Variants in BTRC observed in about 807,000 individuals in gnomAD.
BTRC encodes the protein beta-transducin repeat containing E3 ubiquitin protein ligase, also known as F-box/WD repeat-containing protein 1A.
In BTRC, 42 loss-of-function variants were observed where a neutral mutation model predicts 85.5. That is an observed-to-expected ratio of 0.49 (90% CI 0.38 to 0.64). The LOEUF (loss-of-function observed/expected upper bound fraction) is 0.64, where lower values mean the gene tolerates loss of function less well. Ranked by LOEUF, BTRC falls within the 30% of genes least tolerant of loss-of-function variation. The pLI is 0.00. For synonymous variants in BTRC, 255 were observed against 263.3 expected (o/e 0.97, Z 0.30); for missense variants, 594 against 743.5 (o/e 0.80, Z 2.34).
At chr10:101,504,177 G>A (rs1454796899) in intron 4 of BTRC, among the ~76,000 whole-genome samples, 1 of 152,128 alleles carries the variant, frequency 6.6e-6, no homozygotes, top group African/African-American at 2.4e-5. Flanking sequence ...CTCCACCTGA[G>A]GAAGTTACAC....
At chr10:101,529,429 A>T (rs1445370995) in intron 6 of BTRC, among the ~76,000 whole-genome samples, 1 of 152,184 alleles carries the variant, frequency 6.6e-6, no homozygotes, top group African/African-American at 2.4e-5. Flanking sequence ...GAATCTCAGG[A>T]ATGGTGGGCA....
At chr10:101,426,153 T>C (rs1035781350) in intron 1 of BTRC, among the ~76,000 whole-genome samples, 3 of 152,214 alleles carry the variant, frequency 2.0e-5, no homozygotes, top group Non-Finnish European at 4.4e-5. Context: ...AATGTGAAGA[T>C]AGAAGGGAAA....
At chr10:101,486,734 C>T (rs1324189305) in intron 4 of BTRC, among the ~76,000 whole-genome samples, 15 of 152,122 alleles carry the variant, frequency 9.9e-5, no homozygotes, top group Non-Finnish European at 1.5e-5. Flanking sequence ...CCTAGAAATG[C>T]CAAGTTAAAA....
At chr10:101,377,273 G>A (rs2133952510) in intron 1 of BTRC, among the ~76,000 whole-genome samples, 1 of 152,278 alleles carries the variant, frequency 6.6e-6, no homozygotes, top group African/African-American at 2.4e-5. Context: ...TTATTGTGTA[G>A]TGTACCAGAC....
At chr10:101,507,481 T>A (rs1946573083) in intron 4 of BTRC, among the ~76,000 whole-genome samples, 2 of 152,166 alleles carry the variant, frequency 1.3e-5, no homozygotes, top group Admixed American at 6.5e-5. Flanking sequence ...GGTAATTAAC[T>A]AAATGAGAAA....
intron 4 of BTRC, among the ~76,000 whole-genome samples, chr10:101,493,376 TTG>T (rs1491032566): frequency 1.3e-5 from 2 of 152,272 alleles, no homozygotes; most frequent in Non-Finnish European, 2.9e-5. Context: ...AATAGTCTCA[TTG>T]TGTTTACACA....
At chr10:101,544,096 A>C (rs1445995750) in intron 13 of BTRC, among the ~76,000 whole-genome samples, 2 of 152,108 alleles carry the variant, frequency 1.3e-5, no homozygotes, top group Non-Finnish European at 2.9e-5. Flanking sequence ...GTTTTAATAG[A>C]GATGGGATTT....
At chr10:101,400,823 T>C (rs1943476000) in intron 1 of BTRC, among the ~76,000 whole-genome samples, 1 of 152,216 alleles carries the variant, frequency 6.6e-6, no homozygotes, top group East Asian at 1.9e-4. Flanking sequence ...CTTCAACTTC[T>C]ATTTGCTCTT....
At chr10:101,539,451 T>A (rs1243173361) in intron 13 of BTRC, among the ~76,000 whole-genome samples, 1 of 152,214 alleles carries the variant, frequency 6.6e-6, no homozygotes. Flanking sequence ...TATGTGTGTA[T>A]GTATAAGACA....
chr10:101,434,200 G>A (rs1192705584), intron 2 of BTRC, among the ~76,000 whole-genome samples: 3 of 152,074 alleles, frequency 2.0e-5, no homozygotes, highest in Non-Finnish European at 4.4e-5. Flanking sequence ...TATCTGACCT[G>A]GCATAGGTAT....
chr10:101,420,954 G>A (rs1035663473), intron 1 of BTRC, among the ~76,000 whole-genome samples: 2 of 149,594 alleles, frequency 1.3e-5, no homozygotes, highest in African/African-American at 4.9e-5. Flanking sequence ...CTCTGTAATC[G>A]CTACAGGTTT....
chr10:101,531,050 A>G (rs909125298), intron 6 of BTRC, among the ~76,000 whole-genome samples, 187 bp from the exon 7 acceptor site: 50 of 152,328 alleles, frequency 3.3e-4, no homozygotes, highest in East Asian at 5.8e-4. Flanking sequence ...AGATGACTGT[A>G]ATCACAGCTA....
intron 1 of BTRC, among the ~76,000 whole-genome samples, chr10:101,390,028 A>G (rs1430663030): frequency 1.3e-5 from 2 of 152,086 alleles, no homozygotes; most frequent in African/African-American, 4.8e-5. Flanking sequence ...CTAATCACCT[A>G]CTTAGAGCCT....
At chr10:101,469,558 A>G (rs1945467331) in intron 3 of BTRC, among the ~76,000 whole-genome samples, 1 of 152,194 alleles carries the variant, frequency 6.6e-6, no homozygotes, top group African/African-American at 2.4e-5. Context: ...ATAGCATGAT[A>G]CATTTATTGA....
chr10:101,475,038 T>C (rs926891774), intron 3 of BTRC, among the ~76,000 whole-genome samples: 7 of 152,212 alleles, frequency 4.6e-5, no homozygotes, highest in African/African-American at 1.4e-4. Context: ...AAAATATTTA[T>C]GTTTGTGTGT....
intron 1 of BTRC, among the ~76,000 whole-genome samples, chr10:101,363,753 T>C (rs538758545): frequency 1.2e-4 from 18 of 152,320 alleles, no homozygotes; most frequent in African/African-American, 3.8e-4. Flanking sequence ...TCTTGATGAA[T>C]AGATAGATTT....
At chr10:101,499,294 T>C (rs1946344303) in intron 4 of BTRC, among the ~76,000 whole-genome samples, 1 of 151,780 alleles carries the variant, frequency 6.6e-6, no homozygotes, top group Non-Finnish European at 1.5e-5. Flanking sequence ...TGGAGTGCAG[T>C]GGTGCGATCT....
chr10:101,414,401 G>A (rs891968757), intron 1 of BTRC, among the ~76,000 whole-genome samples: 11 of 152,098 alleles, frequency 7.2e-5, no homozygotes, highest in Non-Finnish European at 1.5e-4. Flanking sequence ...TGAACCTGCT[G>A]CACTGCTAGT....
At chr10:101,542,040 T>C (rs2062477013) in intron 13 of BTRC, among the ~76,000 whole-genome samples, 1 of 152,216 alleles carries the variant, frequency 6.6e-6, no homozygotes, top group Admixed American at 6.5e-5. Context: ...GTGAAGCATC[T>C]AGACCTGGAA....
Sources: allele counts gnomAD v4.1 joint callset (sites outside exome capture counted in the v4.1 genomes callset), GRCh38; gene constraint gnomAD v4.1.1; transcripts MANE v1.5; gene names NCBI Gene and HGNC (gene_info 2026-07-23, HGNC 2026-07-21).